Variants in PEX2 observed in about 807,000 individuals in gnomAD.
The protein encoded by PEX2 is peroxisomal biogenesis factor 2, also known as peroxisome biogenesis factor 2.
In PEX2, 19 loss-of-function variants were observed where a neutral mutation model predicts 25.2. The observed-to-expected ratio is 0.75, with a 90% CI of 0.53 to 1.10. PEX2 has a LOEUF of 1.10. Among genes scored for constraint, PEX2 ranks in the 50% least tolerant of loss-of-function variants. The pLI is 0.00. For synonymous variants in PEX2, 141 were observed against 127.7 expected (o/e 1.10, Z -0.70); for missense variants, 347 against 350.6 (o/e 0.99, Z 0.08).
At chr8:76,999,567 AT>A (rs1480621047) in intron 1 of PEX2, among the ~76,000 whole-genome samples, 1 of 152,224 alleles carries the variant, frequency 6.6e-6, no homozygotes, top group Non-Finnish European at 1.5e-5. Context: ...AAGCACTCAA[AT>A]TTTTTGTACT....
At chr8:76,997,754 T>C (rs998332515) in intron 1 of PEX2, among the ~76,000 whole-genome samples, 6 of 152,172 alleles carry the variant, frequency 3.9e-5, no homozygotes, top group East Asian at 1.9e-4. Context: ...AGAAGCAACA[T>C]AGAAGAAGGT....
Position 76,983,714 on chromosome 8 carries a change from CA to C in PEX2, c.464del (p.Leu155Ter). On this transcript the variant is annotated frameshift_variant, in exon 4 of 4. Transcript: ENST00000357039. LOFTEE classifies it high-confidence loss of function. ...LLKLGGLINF[L>X]IFLQRGKFAT... ...CAAACTTTCCCCTCTGAAGGAAAAT[CA>C]AAAAATTAATCAGCCCACCTAATTT... 1 of 1,613,984 alleles carries C rather than the reference CA, an allele frequency of 6.2e-7. No individual in the cohort carries two copies. The highest frequency in any genetic ancestry group is 8.5e-7 in the Non-Finnish European group (1 of 1,180,000).
At chr8:76,985,078 A>C (rs573800883) in intron 3 of PEX2, among the ~76,000 whole-genome samples, 147 of 152,124 alleles carry the variant, frequency 9.7e-4, no homozygotes, top group African/African-American at 3.3e-3. Flanking sequence ...TATTATGTGC[A>C]AGCTGATATA....
chr8:76,985,728 G>T lies in PEX2; in HGVS notation c.-18+459C>A, dbSNP rs113846485. Among the ~76,000 whole-genome samples, 127 of 152,274 alleles carry T rather than the reference G, an allele frequency of 8.3e-4. 1 individual carries two copies. The highest frequency in any genetic ancestry group is 2.9e-3 in the African/African-American group (120 of 41,556). On this transcript the variant is annotated intron_variant, in intron 3 of 3. Coordinates refer to ENST00000357039, the MANE Select transcript of PEX2 (RefSeq NM_000318.3). Reference sequence around the variant, plus strand: ...CCCTAACAGAAAGAATAGTTACTGAGGGAGGCATGGATCCTGCTGGAGCTC... The same window carrying T: ...CCCTAACAGAAAGAATAGTTACTGATGGAGGCATGGATCCTGCTGGAGCTC...
rs906543932 is a variant in PEX2, at chr8:76,988,340, T to A, written c.-159-2A>T. The A allele has an allele frequency of 6.6e-6, 1 of 152,338 alleles. No individual in the cohort carries two copies. Among genetic ancestry groups the A allele is most frequent in the South Asian group, 2.1e-4 (1 of 4,836 alleles). 9.4% of individuals were successfully genotyped at this position (152,338 alleles called of 1,614,324 possible). A position where few individuals can be genotyped will look rare whatever the true frequency, so the allele number is the denominator to read the frequency against. On this transcript the variant is annotated splice_acceptor_variant, in intron 1 of 3. Transcript: ENST00000357039. LOFTEE classifies it low-confidence loss of function (5UTR_SPLICE). ...CACTGCAGGTTAGGTTCCAGACCAC[T>A]GCAATAAAGCAAATATCACAATAAA... is the stretch of plus-strand genomic sequence containing the variant.
chr8:77,000,421 C>G (rs865981633), upstream of PEX2, among the ~76,000 whole-genome samples: 56 of 151,872 alleles, frequency 3.7e-4, no homozygotes, highest in African/African-American at 1.3e-3. Flanking sequence ...GCAGGGCTTT[C>G]TCTGCTTGCG....
chr8:76,992,222 C>T (rs1042032119), intron 1 of PEX2, among the ~76,000 whole-genome samples: 13 of 152,136 alleles, frequency 8.5e-5, no homozygotes, highest in Admixed American at 4.6e-4. Context: ...GATGGGTTCC[C>T]GCATGACCTG....
intron 1 of PEX2, among the ~76,000 whole-genome samples, chr8:76,998,535 T>C (rs1429424774): frequency 6.6e-6 from 1 of 152,236 alleles, no homozygotes; most frequent in East Asian, 1.9e-4. Flanking sequence ...TATATTATTT[T>C]TAAAAACTGT....
At chr8:76,996,013 G>T (rs1411447697) in intron 1 of PEX2, among the ~76,000 whole-genome samples, 2 of 152,270 alleles carry the variant, frequency 1.3e-5, no homozygotes, top group South Asian at 4.1e-4. Flanking sequence ...GGAAAAAAAT[G>T]AACAGCTATT....
At chr8:76,994,670 G>A (rs1807268865) in intron 1 of PEX2, among the ~76,000 whole-genome samples, 1 of 152,058 alleles carries the variant, frequency 6.6e-6, no homozygotes, top group Non-Finnish European at 1.5e-5. Flanking sequence ...TCTCTACTGT[G>A]TCATACCCAC....
chr8:76,995,938 T>G lies in PEX2; in HGVS notation c.-160+4052A>C, dbSNP rs560476925. On this transcript the variant is annotated intron_variant, in intron 1 of 3. Coordinates refer to ENST00000357039, the MANE Select transcript of PEX2 (RefSeq NM_000318.3). ...AAAAAAAGAAACAAAAAAAAGCAAC[T>G]GTAAGTTTACCTACCTATCTAGAAT... 9.2e-5 allele frequency among the ~76,000 whole-genome samples: 14 copies of G among 151,912 alleles called. No individual in the cohort carries two copies. The East Asian group carries it at 2.3e-3, about 25-fold the overall frequency.
intron 1 of PEX2, among the ~76,000 whole-genome samples, chr8:76,989,641 G>T (rs1807107071): frequency 6.6e-6 from 1 of 152,214 alleles, no homozygotes; most frequent in African/African-American, 2.4e-5. Flanking sequence ...CTTCGTCAGA[G>T]CTCTTGGGTG....
chr8:76,990,729 A>G (rs1160152421), intron 1 of PEX2, among the ~76,000 whole-genome samples: 1 of 151,966 alleles, frequency 6.6e-6, no homozygotes, highest in Non-Finnish European at 1.5e-5. Flanking sequence ...TCTTATATGG[A>G]TACAGTTCGT....
chr8:76,996,328 G>C (rs145141589), intron 1 of PEX2, among the ~76,000 whole-genome samples: 1 of 152,316 alleles, frequency 6.6e-6, no homozygotes, highest in African/African-American at 2.4e-5. Context: ...GGTGCAAAGA[G>C]ATTAGATGAC....
At chr8:76,994,957 G>T (rs1481852062) in intron 1 of PEX2, among the ~76,000 whole-genome samples, 3 of 152,062 alleles carry the variant, frequency 2.0e-5, no homozygotes. Flanking sequence ...CCAATGTATT[G>T]AAATCAATAC....
chr8:76,987,335 C>T (rs563720848), intron 2 of PEX2, among the ~76,000 whole-genome samples: 1 of 152,152 alleles, frequency 6.6e-6, no homozygotes, highest in Admixed American at 6.5e-5. Flanking sequence ...ACCTAAGCAG[C>T]CACCTGATAT....
intron 1 of PEX2, among the ~76,000 whole-genome samples, chr8:76,996,019 C>T (rs1035567558): frequency 6.6e-6 from 1 of 152,080 alleles, no homozygotes; most frequent in East Asian, 1.9e-4. Context: ...AAATGAACAG[C>T]TATTTCCAAT....
rs750044048 is a variant in PEX2 at position 76,983,258 on chromosome 8, T to C, written c.*3A>G. 21 of 1,611,640 alleles carry C rather than the reference T, an allele frequency of 1.3e-5. No individual in the cohort carries two copies. Among genetic ancestry groups the C allele is most frequent in the Non-Finnish European group, 1.8e-5 (21 of 1,179,990 alleles). On this transcript the variant is annotated 3_prime_UTR_variant, in exon 4 of 4. Transcript: ENST00000357039. ...TTTTCCTCAAAGGAAGCAATTTTAG[T>C]TTCTAAAGAGCATTTACTTCTGACA...
chr8:77,000,445 G>A (rs537425191), upstream of PEX2, among the ~76,000 whole-genome samples: 1 of 151,886 alleles, frequency 6.6e-6, no homozygotes, highest in Admixed American at 6.6e-5. Context: ...ATCGCGAAGG[G>A]CCTCTGGCAG....
Sources: gnomAD v4.1 joint callset for allele counts (sites outside exome capture counted in the v4.1 genomes callset) on GRCh38, gnomAD v4.1.1 for gene constraint, MANE v1.5 for transcripts, NCBI Gene and HGNC (gene_info 2026-07-23, HGNC 2026-07-21) for gene names.